The following SGPP2 variants were observed in gnomAD, a reference collection of about 807,000 sequenced individuals.
SGPP2 encodes sphingosine-1-phosphate phosphatase 2.
A neutral mutation model predicts 33.9 loss-of-function variants in SGPP2; 30 were observed. The ratio of observed to expected loss-of-function variants is 0.89; its 90% CI spans 0.66 to 1.20. The LOEUF (loss-of-function observed/expected upper bound fraction) is 1.20. SGPP2 is among the 50% of genes most tolerant of loss of function. The pLI is 0.00. For synonymous variants in SGPP2, 233 were observed against 225.0 expected (o/e 1.04, Z -0.32); for missense variants, 458 against 532.1 (o/e 0.86, Z 1.37).
intron 1 of SGPP2, among the ~76,000 whole-genome samples, chr2:222,452,099 T>C (rs1305108787): frequency 6.6e-6 from 1 of 152,142 alleles, no homozygotes; most frequent in Non-Finnish European, 1.5e-5. Flanking sequence ...CCTAAAGATA[T>C]CCAAACTGTA....
At chr2:222,481,646 C>A (rs1436755369) in intron 2 of SGPP2, among the ~76,000 whole-genome samples, 1 of 152,182 alleles carries the variant, frequency 6.6e-6, no homozygotes, top group Non-Finnish European at 1.5e-5. Flanking sequence ...CCCTTTATGA[C>A]CTCCCAGGTC....
At chr2:222,457,750 C>T (rs1030903354) in intron 1 of SGPP2, among the ~76,000 whole-genome samples, 4 of 152,200 alleles carry the variant, frequency 2.6e-5, no homozygotes, top group Non-Finnish European at 5.9e-5. Flanking sequence ...GAACAGCCAT[C>T]CTCAACCAGG....
In SGPP2 at chr2:222,525,764, C is replaced by T. The variant is rs540537435; in HGVS notation, c.648+731C>T. On this transcript the variant is annotated intron_variant, in intron 4 of 4. Transcript: ENST00000321276. ...CTTTAAAAAGAAATGGGCCCTTGCT[C>T]ATTGTGTGTTTATCTCAATTCTGAA... Among the ~76,000 whole-genome samples, 4 of 152,282 alleles carry T rather than the reference C, an allele frequency of 2.6e-5. No individual in the cohort carries two copies. The South Asian group carries it at 8.3e-4, about 32-fold the overall frequency.
intron 1 of SGPP2, among the ~76,000 whole-genome samples, chr2:222,472,657 A>C (rs1042210849): frequency 6.6e-6 from 1 of 152,200 alleles, no homozygotes; most frequent in Non-Finnish European, 1.5e-5. Context: ...CTCTCCCAAA[A>C]TTCTAATCTT....
chr2:222,488,394 C>A (rs1199651142), intron 2 of SGPP2, among the ~76,000 whole-genome samples: 1 of 152,116 alleles, frequency 6.6e-6, no homozygotes. Context: ...GAGCATGCAC[C>A]CTATTGTGAA....
chr2:222,517,573 G>T (rs936830143), intron 2 of SGPP2, among the ~76,000 whole-genome samples: 1 of 152,138 alleles, frequency 6.6e-6, no homozygotes, highest in Non-Finnish European at 1.5e-5. Flanking sequence ...CTGGACACTG[G>T]ACAAGAACCC....
At chr2:222,478,578 A>G (rs1697985573) in intron 2 of SGPP2, among the ~76,000 whole-genome samples, 1 of 152,230 alleles carries the variant, frequency 6.6e-6, no homozygotes, top group Admixed American at 6.5e-5. Context: ...TGTTAATTAC[A>G]TAAGGGACAG....
At chr2:222,506,178 G>A (rs1218598143) in intron 2 of SGPP2, among the ~76,000 whole-genome samples, 7 of 152,260 alleles carry the variant, frequency 4.6e-5, no homozygotes, top group African/African-American at 1.2e-4. Flanking sequence ...ACTGCATAAC[G>A]CTAATCACCT....
chr2:222,486,273 C>T (rs1156810856), intron 2 of SGPP2, among the ~76,000 whole-genome samples: 2 of 152,182 alleles, frequency 1.3e-5, no homozygotes, highest in African/African-American at 2.4e-5. Flanking sequence ...CATCTGCCCT[C>T]CCCCAGCATT....
chr2:222,437,412 G>A (rs551014432), intron 1 of SGPP2, among the ~76,000 whole-genome samples: 2 of 152,338 alleles, frequency 1.3e-5, no homozygotes, highest in South Asian at 2.1e-4. Flanking sequence ...TGCTGCAGCT[G>A]TCCACTTTCG....
At chr2:222,459,142 C>CTTTTTTTTTTTTTT (rs1164145783) in intron 1 of SGPP2, among the ~76,000 whole-genome samples, 6 of 94,462 alleles carry the variant, frequency 6.4e-5, no homozygotes, top group Non-Finnish European at 1.3e-4. Context: ...TTCTTTCTTT[C>CTTTTTTTTTTTTTT]TTTTTTTTTT....
chr2:222,537,723 A>G (rs898678065), intron 4 of SGPP2, among the ~76,000 whole-genome samples: 1 of 152,260 alleles, frequency 6.6e-6, no homozygotes, highest in African/African-American at 2.4e-5. Context: ...TAATGGAACA[A>G]ATACATACAG....
intron 4 of SGPP2, among the ~76,000 whole-genome samples, chr2:222,531,559 A>G (rs1448992383): frequency 6.6e-6 from 1 of 152,250 alleles, no homozygotes; most frequent in Non-Finnish European, 1.5e-5. Context: ...TTTATTGTGT[A>G]TAGAGTTTCA....
rs1279822572 is a variant in SGPP2, at chr2:222,562,195, T to C, written c.*3297T>C. ...TCTCCAGGAGCCAGATAGAATGACA[T>C]GCCTTTTTCCTAATTGTCCACATTC... is the stretch of plus-strand genomic sequence containing the variant. On this transcript the variant is annotated 3_prime_UTR_variant, in exon 5 of 5. Transcript: ENST00000321276. Among the ~76,000 whole-genome samples the C allele has an allele frequency of 6.6e-6, 1 of 152,154 alleles. No homozygotes were observed. Among genetic ancestry groups the C allele is most frequent in the Non-Finnish European group, 1.5e-5 (1 of 68,022 alleles).
chr2:222,555,230 C>T (rs1039816093), intron 4 of SGPP2, among the ~76,000 whole-genome samples: 3 of 152,162 alleles, frequency 2.0e-5, no homozygotes, highest in Non-Finnish European at 4.4e-5. Flanking sequence ...AGTTTATTTA[C>T]CCATTCACCC....
chr2:222,521,706 T>C (rs3820782), intron 2 of SGPP2, 61 bp from the exon 3 acceptor site: 51,908 of 1,541,300 alleles, frequency 0.034, 2,441 homozygotes, highest in African/African-American at 0.22. Flanking sequence ...ATCCATGACA[T>C]TTGGAAATGC....
At chr2:222,489,053 T>C (rs1482400300) in intron 2 of SGPP2, among the ~76,000 whole-genome samples, 1 of 152,190 alleles carries the variant, frequency 6.6e-6, no homozygotes, top group East Asian at 1.9e-4. Context: ...TCCTTTTAAA[T>C]TAATATTGGT....
At chr2:222,495,307 G>C (rs770206601) in intron 2 of SGPP2, among the ~76,000 whole-genome samples, 1 of 152,010 alleles carries the variant, frequency 6.6e-6, no homozygotes, top group Non-Finnish European at 1.5e-5. Flanking sequence ...CCTGCTACTC[G>C]GGAGACTGAG....
At chr2:222,555,003 G>A (rs1489912711) in intron 4 of SGPP2, among the ~76,000 whole-genome samples, 6 of 152,004 alleles carry the variant, frequency 3.9e-5, no homozygotes, top group African/African-American at 1.5e-4. Flanking sequence ...TCCCTTCGGA[G>A]TCACAACATC....
Sources: allele counts gnomAD v4.1 joint callset (sites outside exome capture counted in the v4.1 genomes callset), GRCh38; gene constraint gnomAD v4.1.1; transcripts MANE v1.5; gene names NCBI Gene and HGNC (gene_info 2026-07-23, HGNC 2026-07-21).